The following TEF variants were observed in gnomAD, a reference collection of about 807,000 sequenced individuals.
TEF encodes the protein TEF transcription factor, PAR bZIP family member.
In TEF, 3 loss-of-function variants were observed where a neutral mutation model predicts 20.8. The observed-to-expected ratio is 0.14, with a 90% CI of 0.07 to 0.37. The LOEUF (loss-of-function observed/expected upper bound fraction) is 0.37. Among genes scored for constraint, TEF ranks in the 10% least tolerant of loss-of-function variants. The pLI is 1.00. For synonymous variants in TEF, 180 were observed against 171.1 expected, an observed-to-expected ratio of 1.05 and a Z score of -0.41; for missense variants, 296 against 397.9, an observed-to-expected ratio of 0.74 and a Z score of 2.18.
At chr22:41,387,781 C>A in intron 2 of TEF, 113 bp downstream of exon 2, 1 of 1,089,566 alleles carries the variant, frequency 9.2e-7, no homozygotes, top group Non-Finnish European at 1.3e-6. Context: ...AGGGGAGGTC[C>A]TGGTGGGGCT....
chr22:41,377,738 T>C (rs144015514), upstream of TEF, among the ~76,000 whole-genome samples: 8 of 152,308 alleles, frequency 5.3e-5, no homozygotes, highest in African/African-American at 1.9e-4. Flanking sequence ...TCCTGCAGTA[T>C]TTGTGACACA....
At chr22:41,375,833 T>C (rs1225327567) in intron 1 of TEF, among the ~76,000 whole-genome samples, 1 of 151,942 alleles carries the variant, frequency 6.6e-6, no homozygotes, top group Non-Finnish European at 1.5e-5. Flanking sequence ...TATTTACTGA[T>C]AGGGTGGGGA....
chr22:41,382,015 G>A lies in TEF; in HGVS notation c.-30G>A. ...CCATCTCGGGGGGCGGGCGGGGGAGGCGAGGTGCGCGAGCCGAGTCCGGGG... is the reference window on the plus strand; with the variant it reads ...CCATCTCGGGGGGCGGGCGGGGGAGACGAGGTGCGCGAGCCGAGTCCGGGG... On this transcript the variant is annotated 5_prime_UTR_variant, in exon 1 of 4. Coordinates refer to ENST00000266304, the MANE Select transcript of TEF (RefSeq NM_003216.4). 2.4e-6 allele frequency: 3 copies of A among 1,229,992 alleles called. No individual in the cohort carries two copies. Among genetic ancestry groups the A allele is most frequent in the Non-Finnish European group, 3.0e-6 (3 of 986,868 alleles). The allele number at this position is 1,229,992 out of a possible 1,614,324, so 76.2% of individuals were successfully genotyped here. A position where few individuals can be genotyped will look rare whatever the true frequency, so the allele number is the denominator to read the frequency against.
At position 41,395,800 on chromosome 22, in the gene TEF, G is replaced by A. The variant is rs1241364727; in HGVS notation, c.752G>A (p.Arg251Gln). 6.2e-7 allele frequency: 1 copy of A among 1,614,164 alleles called. No homozygotes were observed. Among genetic ancestry groups the A allele is most frequent in the Non-Finnish European group, 8.5e-7 (1 of 1,180,030 alleles). Reference protein sequence around the residue: ...KKNNVAAKRSRDARRLKENQI... With the variant: ...KKNNVAAKRSQDARRLKENQI... ...AACAACGTGGCAGCTAAACGGTCAC[G>A]GGATGCCCGGCGCCTGAAAGAGAAT... is the stretch of plus-strand genomic sequence containing the variant. Residue 251 changes from arginine (R) to glutamine (Q), a missense_variant, in exon 4 of 4, where the codon CGG becomes CAG. Transcript: ENST00000266304.
chr22:41,382,685 C>T (rs1237948376), intron 1 of TEF, among the ~76,000 whole-genome samples: 1 of 152,096 alleles, frequency 6.6e-6, no homozygotes, highest in Admixed American at 6.6e-5. Context: ...GTGGCCTTAC[C>T]CCTCCCGGAG....
At chr22:41,369,125 C>G (rs1337994728) in intron 1 of TEF, 1 of 985,256 alleles carries the variant, frequency 1.0e-6, no homozygotes, top group Non-Finnish European at 1.2e-6. Flanking sequence ...GCCAGTGGGG[C>G]AGGGAGGATT....
At chr22:41,368,409 T>C (rs1232359107) in intron 1 of TEF, among the ~76,000 whole-genome samples, 1 of 152,092 alleles carries the variant, frequency 6.6e-6, no homozygotes, top group Non-Finnish European at 1.5e-5. Flanking sequence ...TCAGGGGACC[T>C]TTCTCAGGCC....
intron 2 of TEF, among the ~76,000 whole-genome samples, chr22:41,388,091 G>A (rs1156574114): frequency 7.3e-6 from 1 of 136,072 alleles, no homozygotes; most frequent in Non-Finnish European, 1.5e-5. Flanking sequence ...TCCACCTCCT[G>A]GGTTCAATCA....
intron 1 of TEF, among the ~76,000 whole-genome samples, chr22:41,373,211 TGCCTGAATGGACTACTTTACTTCG>T (rs2036903466): frequency 6.6e-6 from 1 of 152,200 alleles, no homozygotes; most frequent in Non-Finnish European, 1.5e-5. Context: ...CCTAGCACTG[TGCCTGAATGGACTACTTTACTTCG>T]GACACCACGG....
chr22:41,371,389 A>G (rs565947367), intron 1 of TEF, among the ~76,000 whole-genome samples: 1 of 152,144 alleles, frequency 6.6e-6, no homozygotes, highest in African/African-American at 2.4e-5. Flanking sequence ...CTGATCTAGA[A>G]TCCTTTCTAG....
At chr22:41,377,830 C>G (rs923944031), upstream of TEF, among the ~76,000 whole-genome samples, 9 of 152,192 alleles carry the variant, frequency 5.9e-5, no homozygotes, top group Admixed American at 3.9e-4. Flanking sequence ...GGAGGCTTAA[C>G]CCGCTGGTCT....
chr22:41,372,626 C>T (rs2036895866), intron 1 of TEF, among the ~76,000 whole-genome samples: 1 of 152,158 alleles, frequency 6.6e-6, no homozygotes, highest in Admixed American at 6.5e-5. Flanking sequence ...CGGGTCGTAG[C>T]TCTTCGTCAC....
At position 41,382,734 on chromosome 22, in the gene TEF, A is replaced by G. The variant is rs376181680; in HGVS notation, c.157+533A>G. Among the ~76,000 whole-genome samples, 40 of 151,968 alleles carry G rather than the reference A, an allele frequency of 2.6e-4. No individual in the cohort carries two copies. The East Asian group carries it at 3.1e-3, about 12-fold the overall frequency. On this transcript the variant is annotated intron_variant, in intron 1 of 3. Transcript: ENST00000266304. ...TCCCTGGGTGTGAGTAGCGCCAGCT[A>G]CTAGGTCCAACGGGAGCCTTTCTGT...
chr22:41,371,984 T>C (rs1395826495), intron 1 of TEF, among the ~76,000 whole-genome samples: 1 of 152,082 alleles, frequency 6.6e-6, no homozygotes, highest in African/African-American at 2.4e-5. Flanking sequence ...CTCCTGAGCT[T>C]GGCCTGAGTG....
intron 2 of TEF, among the ~76,000 whole-genome samples, chr22:41,389,776 C>T (rs562541280): frequency 9.3e-4 from 141 of 152,238 alleles, no homozygotes; most frequent in African/African-American, 3.3e-3. Context: ...CACCCAGCCG[C>T]TTTGTTAAGT....
At chr22:41,375,622 G>A (rs1393665217) in intron 1 of TEF, among the ~76,000 whole-genome samples, 1 of 151,772 alleles carries the variant, frequency 6.6e-6, no homozygotes, top group Non-Finnish European at 1.5e-5. Flanking sequence ...TACTTGGGAG[G>A]CTGAGACAGG....
At chr22:41,380,626 C>G (rs2037005258), upstream of TEF, among the ~76,000 whole-genome samples, 1 of 152,212 alleles carries the variant, frequency 6.6e-6, no homozygotes, top group Admixed American at 6.5e-5. Context: ...AGCTCTCTGC[C>G]TTCCGGGAGT....
At chr22:41,386,013 G>A (rs1398761617) in intron 1 of TEF, among the ~76,000 whole-genome samples, 1 of 152,040 alleles carries the variant, frequency 6.6e-6, no homozygotes, top group African/African-American at 2.4e-5. Flanking sequence ...TTTTAGGAGA[G>A]ACAGGGTTTC....
At position 41,387,685 on chromosome 22, in the gene TEF, C is replaced by T. The variant is rs760845285; in HGVS notation, c.475+17C>T. On this transcript the variant is annotated intron_variant, in intron 2 of 3. Coordinates refer to ENST00000266304, the MANE Select transcript of TEF (RefSeq NM_003216.4). ...CCAGCACAGGTTGGTGAAAGGCCAT[C>T]GAGGAGGGCCACCTGTCCCATCCAG... 3.9e-5 allele frequency: 62 copies of T among 1,596,156 alleles called. No individual in the cohort carries two copies. The highest frequency in any genetic ancestry group is 5.0e-5 in the Non-Finnish European group (58 of 1,169,950).
Sources: gnomAD v4.1 joint callset for allele counts (sites outside exome capture counted in the v4.1 genomes callset) on GRCh38, gnomAD v4.1.1 for gene constraint, MANE v1.5 for transcripts, NCBI Gene and HGNC (gene_info 2026-07-23, HGNC 2026-07-21) for gene names.